Variants in ERBB4 observed in about 807,000 individuals in gnomAD.
The protein encoded by ERBB4 is erb-b2 receptor tyrosine kinase 4.
A neutral mutation model predicts 158.0 loss-of-function variants in ERBB4; 42 were observed. The ratio of observed to expected loss-of-function variants is 0.27; its 90% confidence interval spans 0.21 to 0.34. ERBB4 has a LOEUF of 0.34. ERBB4 is among the 10% of genes least tolerant of loss of function. The pLI, the probability that ERBB4 is intolerant of heterozygous loss-of-function variation, is 1.00. For missense variants in ERBB4, 1,333 were observed against 1,624.1 expected (o/e 0.82, Z 3.08); for synonymous variants, 583 against 558.7 (o/e 1.04, Z -0.61).
chr2:212,200,231 C>T (rs748232264), intron 1 of ERBB4, among the ~76,000 whole-genome samples: 22 of 151,990 alleles, frequency 1.4e-4, no homozygotes, highest in Non-Finnish European at 1.6e-4. Context: ...ATATAATATT[C>T]AGAGGCAAAA....
chr2:212,075,967 T>A (rs1375290472), intron 2 of ERBB4, among the ~76,000 whole-genome samples: 1 of 151,916 alleles, frequency 6.6e-6, no homozygotes, highest in Non-Finnish European at 1.5e-5. Context: ...TATGTCTTAC[T>A]TTTTTGTAAT....
At chr2:212,109,493 C>A (rs1239491732) in intron 2 of ERBB4, among the ~76,000 whole-genome samples, 1 of 152,202 alleles carries the variant, frequency 6.6e-6, no homozygotes, top group South Asian at 2.1e-4. Context: ...TCAGCTATTA[C>A]TTTTGAGACA....
chr2:212,081,902 C>A (rs1328189037), intron 2 of ERBB4, among the ~76,000 whole-genome samples: 1 of 152,106 alleles, frequency 6.6e-6, no homozygotes, highest in Non-Finnish European at 1.5e-5. Flanking sequence ...CTTCACCTAG[C>A]AAACTTCAGC....
chr2:211,969,168 C>G (rs1411119285), intron 2 of ERBB4, among the ~76,000 whole-genome samples: 1 of 151,798 alleles, frequency 6.6e-6, no homozygotes, highest in East Asian at 1.9e-4. Context: ...AAAGCATACC[C>G]CCTTTAGGAA....
intron 1 of ERBB4, among the ~76,000 whole-genome samples, chr2:212,243,188 T>A (rs922695929): frequency 6.6e-6 from 1 of 152,220 alleles, no homozygotes; most frequent in African/African-American, 2.4e-5. Context: ...TTGTTTCATT[T>A]TTTTAATATT....
intron 1 of ERBB4, among the ~76,000 whole-genome samples, chr2:212,173,031 T>C (rs996602593): frequency 3.3e-5 from 5 of 152,042 alleles, no homozygotes; most frequent in African/African-American, 1.2e-4. Context: ...ATGTGGGAAA[T>C]ATCCAGTTGC....
rs150817178 is a variant in ERBB4, at chr2:211,458,186, A to G, written c.2488-27086T>C. Reference sequence around the variant, plus strand: ...CTGAGGTCACAACACTTGCCCAGCAACCATGCACATGCAACCTGGAAGAGA... The same window carrying G: ...CTGAGGTCACAACACTTGCCCAGCAGCCATGCACATGCAACCTGGAAGAGA... On this transcript the variant is annotated intron_variant, in intron 20 of 27. Coordinates refer to ENST00000342788, the MANE Select transcript of ERBB4 (RefSeq NM_005235.3). Among the ~76,000 whole-genome samples, 760 of 148,588 alleles carry G rather than the reference A, an allele frequency of 5.1e-3. 5 individuals carry two copies. The highest frequency in any genetic ancestry group is 0.018 in the African/African-American group (704 of 39,454).
intron 2 of ERBB4, among the ~76,000 whole-genome samples, chr2:211,956,608 C>T (rs181635800): frequency 2.0e-5 from 3 of 152,038 alleles, no homozygotes; most frequent in Admixed American, 1.3e-4. Context: ...AAAGTTGAAT[C>T]AACAAAAGAT....
At position 212,288,182 on chromosome 2, in the gene ERBB4, C is replaced by G. The variant is rs75063937; in HGVS notation, c.83-163279G>C. 3.1e-3 allele frequency among the ~76,000 whole-genome samples: 478 copies of G among 152,230 alleles called. 4 individuals are homozygous for G. The highest frequency in any genetic ancestry group is 0.011 in the African/African-American group (457 of 41,536). Reference sequence around the variant, plus strand: ...GCCCTGGATCTATCTGTGCTTAAGGCCTAATATGCTCCTGGACTTTCATTT... The same window carrying G: ...GCCCTGGATCTATCTGTGCTTAAGGGCTAATATGCTCCTGGACTTTCATTT... On this transcript the variant is annotated intron_variant, in intron 1 of 27. Transcript: ENST00000342788.
chr2:211,565,264 T>C (rs2067513905), intron 19 of ERBB4, among the ~76,000 whole-genome samples: 1 of 149,886 alleles, frequency 6.7e-6, no homozygotes, highest in Admixed American at 6.6e-5. Context: ...GAAATACTGA[T>C]ATAATCAGAA....
rs567175427 is a variant in ERBB4, at chr2:211,642,555, G to A, written c.1947-11961C>T. On this transcript the variant is annotated intron_variant, in intron 16 of 27. Coordinates refer to ENST00000342788, the MANE Select transcript of ERBB4 (RefSeq NM_005235.3). The stretch of plus-strand genomic sequence containing the variant: ...CATCTCTTTATCTATGTAATGATAA[G>A]CAAGCATATTCAGAGATTAAAGGTA... Among the ~76,000 whole-genome samples, 30 of 152,192 alleles carry A rather than the reference G, an allele frequency of 2.0e-4. No homozygotes were observed. In the South Asian group the frequency reaches 5.8e-3, roughly 29 times the overall value.
chr2:211,495,129 T>C (rs2065438129), intron 20 of ERBB4, among the ~76,000 whole-genome samples: 1 of 152,052 alleles, frequency 6.6e-6, no homozygotes, highest in Admixed American at 6.6e-5. Flanking sequence ...CTTAAATGTC[T>C]TCATAGAAAC....
Position 211,479,284 on chromosome 2 carries a change from T to G in ERBB4, c.2488-48184A>C, listed in dbSNP as rs139663667. The stretch of plus-strand genomic sequence containing the variant: ...AATAGCTCCCCTCTATTTCTGCTCC[T>G]GCAATATGGCCACTTAAGGCTTCAT... On this transcript the variant is annotated intron_variant, in intron 20 of 27. Coordinates refer to ENST00000342788, the MANE Select transcript of ERBB4 (RefSeq NM_005235.3). Among the ~76,000 whole-genome samples the G allele has an allele frequency of 4.3e-3, 659 of 152,272 alleles. 6 individuals carry two copies. Among genetic ancestry groups the G allele is most frequent in the African/African-American group, 0.015 (637 of 41,564 alleles).
Position 212,230,801 on chromosome 2 carries a change from T to C in ERBB4, c.83-105898A>G, listed in dbSNP as rs1378645904. Among the ~76,000 whole-genome samples, 3 of 152,264 alleles carry C rather than the reference T, an allele frequency of 2.0e-5. No individual in the cohort carries two copies. In the East Asian group the frequency reaches 5.8e-4, roughly 29 times the overall value. ...GAGTTATAATACAAAAGTTTTTCAC[T>C]AAAGATCAGCATGATAAAGAGTCTA... On this transcript the variant is annotated intron_variant, in intron 1 of 27. Transcript: ENST00000342788.
intron 1 of ERBB4, among the ~76,000 whole-genome samples, chr2:212,413,583 T>C (rs1322711260): frequency 6.6e-6 from 1 of 152,140 alleles, no homozygotes; most frequent in Non-Finnish European, 1.5e-5. Flanking sequence ...TTGTCTTATA[T>C]GTGTTAATAG....
At chr2:212,495,181 A>G (rs938530218) in intron 1 of ERBB4, among the ~76,000 whole-genome samples, 1 of 152,150 alleles carries the variant, frequency 6.6e-6, no homozygotes, top group African/African-American at 2.4e-5. Context: ...GTTATTTAAC[A>G]TCATCATGTT....
chr2:212,425,630 T>C (rs1195180044), intron 1 of ERBB4, among the ~76,000 whole-genome samples: 1 of 151,816 alleles, frequency 6.6e-6, no homozygotes, highest in Non-Finnish European at 1.5e-5. Flanking sequence ...GACACATTTT[T>C]CAGATCTTAG....
At chr2:211,641,933 A>T (rs1019761396) in intron 16 of ERBB4, among the ~76,000 whole-genome samples, 1 of 150,248 alleles carries the variant, frequency 6.7e-6, no homozygotes. Flanking sequence ...ATCATTTCTA[A>T]TTTTTTTTTT....
intron 25 of ERBB4, among the ~76,000 whole-genome samples, chr2:211,393,749 G>A (rs868829837): frequency 0.23 from 27,235 of 120,634 alleles, 2,611 homozygotes; most frequent in South Asian, 0.41. Flanking sequence ...GCGTGTGTGT[G>A]TGTGTGTGTG....
Sources: gnomAD v4.1 joint callset for allele counts (sites outside exome capture counted in the v4.1 genomes callset) on GRCh38, gnomAD v4.1.1 for gene constraint, MANE v1.5 for transcripts, NCBI Gene and HGNC (gene_info 2026-07-23, HGNC 2026-07-21) for gene names.